Variants in JAZF1 observed in about 807,000 individuals in gnomAD.
JAZF1 encodes juxtaposed with another zinc finger protein 1.
Under a neutral mutation model 26.4 loss-of-function variants are expected in JAZF1, and 8 were observed. That is an observed-to-expected ratio of 0.30 (90% CI 0.18 to 0.55). The LOEUF is 0.55. Among genes scored for constraint, JAZF1 ranks in the 20% least tolerant of loss-of-function variants. The pLI is 0.94. For missense variants in JAZF1, 199 were observed against 322.0 expected (o/e 0.62, Z 2.92); for synonymous variants, 126 against 122.3 (o/e 1.03, Z -0.20).
chr7:27,993,331 C>T lies in JAZF1; in HGVS notation c.116-1350G>A, dbSNP rs868187422. ...AAATGAGAACAGATCAGTAGCTCTG[C>T]GCTTCCTCAGTACACATGCAACTGA... On this transcript the variant is annotated intron_variant, in intron 1 of 4. Transcript: ENST00000283928. Among the ~76,000 whole-genome samples, 9 of 152,132 alleles carry T rather than the reference C, an allele frequency of 5.9e-5. No individual in the cohort carries two copies. The South Asian group carries it at 1.2e-3, about 21-fold the overall frequency.
intron 2 of JAZF1, among the ~76,000 whole-genome samples, chr7:27,950,101 C>T (rs749787424): frequency 2.6e-5 from 4 of 152,146 alleles, no homozygotes; most frequent in Middle Eastern, 3.2e-3. Context: ...AGCTTTGCAC[C>T]GGTTAACATT....
At chr7:27,947,013 C>T (rs1380027072) in intron 2 of JAZF1, among the ~76,000 whole-genome samples, 1 of 152,134 alleles carries the variant, frequency 6.6e-6, no homozygotes, top group African/African-American at 2.4e-5. Flanking sequence ...CAGAAATGGT[C>T]CTGAAGTTTT....
chr7:27,909,403 C>CAA (rs11323038), intron 2 of JAZF1, among the ~76,000 whole-genome samples: 1 of 148,746 alleles, frequency 6.7e-6, no homozygotes. Flanking sequence ...GGCATAATTT[C>CAA]AAAAAAAAAA....
chr7:27,988,332 T>A (rs1042041590), intron 2 of JAZF1, among the ~76,000 whole-genome samples: 8 of 152,008 alleles, frequency 5.3e-5, no homozygotes, highest in African/African-American at 1.9e-4. Flanking sequence ...TATACAAATC[T>A]GTACCCACAT....
chr7:28,048,383 T>G (rs1484636824), intron 1 of JAZF1, among the ~76,000 whole-genome samples: 1 of 152,202 alleles, frequency 6.6e-6, no homozygotes, highest in African/African-American at 2.4e-5. Flanking sequence ...CAGCTATTAC[T>G]TAATTAGTTG....
At chr7:27,920,556 A>G (rs892507217) in intron 2 of JAZF1, among the ~76,000 whole-genome samples, 3 of 152,174 alleles carry the variant, frequency 2.0e-5, no homozygotes, top group African/African-American at 7.2e-5. Context: ...CCATCCTGAC[A>G]TCAGAAAAAA....
intron 1 of JAZF1, among the ~76,000 whole-genome samples, chr7:28,092,314 A>C (rs1440613424): frequency 3.5e-5 from 5 of 144,292 alleles, no homozygotes; most frequent in South Asian, 2.2e-4. Context: ...AAAAAAAAAA[A>C]AAAAAAAAAA....
rs550901262 is a variant in JAZF1 at position 27,918,574 on chromosome 7, A to T, written c.189-23158T>A. 2.6e-5 allele frequency among the ~76,000 whole-genome samples: 4 copies of T among 152,322 alleles called. No homozygotes were observed. In the South Asian group the frequency reaches 8.3e-4, roughly 32 times the overall value. ...TGGAGAATGGATGTCAATATTTTCT[A>T]GTATTTCAACTTTTCCATGTGTTAT... On this transcript the variant is annotated intron_variant, in intron 2 of 4. Coordinates refer to ENST00000283928, the MANE Select transcript of JAZF1 (RefSeq NM_175061.4).
At chr7:28,139,607 C>G (rs1405947852) in intron 1 of JAZF1, among the ~76,000 whole-genome samples, 1 of 152,154 alleles carries the variant, frequency 6.6e-6, no homozygotes, top group African/African-American at 2.4e-5. Context: ...GGAGCACAAC[C>G]CTGCCAACAC....
chr7:28,113,149 C>T (rs528987178), intron 1 of JAZF1, among the ~76,000 whole-genome samples: 1 of 152,322 alleles, frequency 6.6e-6, no homozygotes, highest in Non-Finnish European at 1.5e-5. Context: ...AGAGTCCGGC[C>T]TGTTGAATCG....
At chr7:28,142,092 T>C (rs1158677457) in intron 1 of JAZF1, among the ~76,000 whole-genome samples, 2 of 152,226 alleles carry the variant, frequency 1.3e-5, no homozygotes, top group Non-Finnish European at 2.9e-5. Context: ...ATAAAATTAA[T>C]TTAAAAATAT....
intron 3 of JAZF1, among the ~76,000 whole-genome samples, chr7:27,876,380 T>G (rs1463431996): frequency 6.6e-6 from 1 of 152,206 alleles, no homozygotes; most frequent in Non-Finnish European, 1.5e-5. Flanking sequence ...GTTTCCACCT[T>G]GACTCTTGGG....
intron 2 of JAZF1, among the ~76,000 whole-genome samples, chr7:27,904,368 G>A (rs554905910): frequency 6.6e-6 from 1 of 152,292 alleles, no homozygotes; most frequent in East Asian, 1.9e-4. Flanking sequence ...GAAGCTAAAG[G>A]CGTATTTGGT....
rs138606041 is a variant in JAZF1 at position 28,148,823 on chromosome 7, C to T, written c.115+31640G>A. ...AAACAATCAGACAGCAACAAAGGAA[C>T]GAGGCAGGATTCACTGATTCACTGC... is the stretch of plus-strand genomic sequence containing the variant. On this transcript the variant is annotated intron_variant, in intron 1 of 4. Transcript: ENST00000283928. Among the ~76,000 whole-genome samples, 216 of 152,304 alleles carry T rather than the reference C, an allele frequency of 1.4e-3. 1 individual carries two copies. Among genetic ancestry groups the T allele is most frequent in the African/African-American group, 5.0e-3 (207 of 41,576 alleles).
chr7:27,901,547 A>G (rs1241714296), intron 2 of JAZF1, among the ~76,000 whole-genome samples: 1 of 152,196 alleles, frequency 6.6e-6, no homozygotes, highest in Non-Finnish European at 1.5e-5. Flanking sequence ...TGCTGGGGAA[A>G]AAAATCACTT....
chr7:27,982,867 G>A (rs573153414), intron 2 of JAZF1, among the ~76,000 whole-genome samples: 5 of 152,194 alleles, frequency 3.3e-5, no homozygotes, highest in Non-Finnish European at 7.3e-5. Context: ...CAACAGACCT[G>A]CAGCTGAGGG....
chr7:27,901,148 T>C (rs529026803), intron 2 of JAZF1, among the ~76,000 whole-genome samples: 1 of 152,308 alleles, frequency 6.6e-6, no homozygotes, highest in South Asian at 2.1e-4. Flanking sequence ...AAATCTGCGG[T>C]CAGGCAAAGC....
At chr7:27,855,151 T>C (rs1470406839) in intron 3 of JAZF1, among the ~76,000 whole-genome samples, 1 of 152,036 alleles carries the variant, frequency 6.6e-6, no homozygotes, top group Non-Finnish European at 1.5e-5. Context: ...GCTTGATCGA[T>C]TCAGCTATTG....
chr7:28,139,070 T>G (rs1334948637), intron 1 of JAZF1, among the ~76,000 whole-genome samples: 2 of 152,158 alleles, frequency 1.3e-5, no homozygotes, highest in African/African-American at 4.8e-5. Flanking sequence ...ACTAGTTGTT[T>G]TGCTTCACCA....
Sources: gnomAD v4.1 joint callset for allele counts (sites outside exome capture counted in the v4.1 genomes callset) on GRCh38, gnomAD v4.1.1 for gene constraint, MANE v1.5 for transcripts, NCBI Gene and HGNC (gene_info 2026-07-23, HGNC 2026-07-21) for gene names.